EFCAB8: variants seen among roughly 807,000 people sequenced by gnomAD.
EFCAB8 encodes EF-hand calcium binding domain 8.
In EFCAB8, 100 loss-of-function variants were observed where a neutral mutation model predicts 116.3. That is an observed-to-expected ratio of 0.86 (90% CI 0.73 to 1.02). The LOEUF (loss-of-function observed/expected upper bound fraction) is 1.02. Among genes scored for constraint, EFCAB8 ranks in the 50% least tolerant of loss-of-function variants. The pLI, the probability that EFCAB8 is intolerant of heterozygous loss-of-function variation, is 0.00. For missense variants in EFCAB8, 1,320 were observed against 1,416.9 expected, an observed-to-expected ratio of 0.93 and a Z score of 1.10; for synonymous variants, 558 against 567.9, an observed-to-expected ratio of 0.98 and a Z score of 0.25.
chr20:32,876,171 C>G (rs1314845885), intron 4 of EFCAB8, 127 bp downstream of exon 4: 1 of 815,952 alleles, frequency 1.2e-6, no homozygotes, highest in African/African-American at 1.7e-5. Flanking sequence ...GGATTCTGGC[C>G]CCAGTCGGGG....
Position 32,961,268 on chromosome 20 carries a change from G to T in EFCAB8, c.3526G>T (p.Asp1176Tyr), listed in dbSNP as rs1989142358. 19 of 1,550,860 alleles carry T rather than the reference G, an allele frequency of 1.2e-5. No individual in the cohort carries two copies. In the South Asian group the frequency reaches 2.3e-4, roughly 18 times the overall value. Residue 1176 changes from aspartate to tyrosine, a missense_variant, in exon 27 of 27, where the codon GAC becomes TAC. Asp to Tyr is a radical substitution (Grantham distance 160). Coordinates refer to ENST00000400522, the MANE Select transcript of EFCAB8 (RefSeq NM_001143967.2). ...CCTGGTGGCCCACCATGTCCAGAAG[G>T]ACCTGGTGCCCAGCAGGGAGCAGGC... ...IRLVAHHVQK[D>Y]LVPSREQAVL...
At chr20:32,928,402 A>C (rs866280728) in intron 20 of EFCAB8, among the ~76,000 whole-genome samples, 6 of 151,858 alleles carry the variant, frequency 4.0e-5, no homozygotes, top group African/African-American at 1.5e-4. Context: ...CACCTGGCTA[A>C]TATTTGTATT....
chr20:32,901,926 T>C (rs1986448256), intron 11 of EFCAB8, among the ~76,000 whole-genome samples: 1 of 152,212 alleles, frequency 6.6e-6, no homozygotes, highest in South Asian at 2.1e-4. Flanking sequence ...GACCTCATGA[T>C]TCGCCCGCCT....
intron 23 of EFCAB8, among the ~76,000 whole-genome samples, chr20:32,954,758 A>T (rs942600499): frequency 5.9e-5 from 9 of 152,164 alleles, no homozygotes; most frequent in Non-Finnish European, 1.2e-4. Context: ...ATAGGTGTTG[A>T]ATTCTGTCAA....
chr20:32,861,928 T>G (rs1984135730), intron 1 of EFCAB8, among the ~76,000 whole-genome samples: 1 of 151,994 alleles, frequency 6.6e-6, no homozygotes, highest in Admixed American at 6.6e-5. Flanking sequence ...ACTTAACATT[T>G]TACATACACT....
chr20:32,960,059 G>C lies in EFCAB8; in HGVS notation c.3295-4G>C. 6.4e-7 allele frequency: 1 copy of C among 1,551,730 alleles called. No homozygotes were observed. Among genetic ancestry groups the C allele is most frequent in the Non-Finnish European group, 8.7e-7 (1 of 1,146,998 alleles). ...GCCTTCATTCTTGGGCGTGGCTCCT[G>C]CAGGTGAGCAAAGTCTTGGGAGCGG... On this transcript the variant is annotated splice_polypyrimidine_tract_variant and splice_region_variant and intron_variant, in intron 25 of 26. Transcript: ENST00000400522.
At chr20:32,921,592 T>C (rs1987458838) in intron 20 of EFCAB8, among the ~76,000 whole-genome samples, 2 of 152,010 alleles carry the variant, frequency 1.3e-5, no homozygotes, top group African/African-American at 4.8e-5. Context: ...AAAGGAAGTG[T>C]ATGTAAATGA....
intron 1 of EFCAB8, among the ~76,000 whole-genome samples, chr20:32,862,125 A>G (rs1169104458): frequency 2.8e-5 from 4 of 142,354 alleles, no homozygotes; most frequent in Non-Finnish European, 3.1e-5. Flanking sequence ...TGTTTTTATT[A>G]TTTCTTTTCT....
At chr20:32,908,143 G>A in intron 13 of EFCAB8, 132 bp from the exon 14 acceptor site, 2 of 795,522 alleles carry the variant, frequency 2.5e-6, no homozygotes, top group Non-Finnish European at 3.4e-6. Context: ...CCAACACCAT[G>A]TGTGTGTGTT....
intron 5 of EFCAB8, among the ~76,000 whole-genome samples, chr20:32,883,844 CCA>C (rs1463074168): frequency 1.3e-5 from 2 of 152,124 alleles, no homozygotes; most frequent in African/African-American, 2.4e-5. Flanking sequence ...GCGTGTGCTA[CCA>C]CACCTGGCTA....
chr20:32,908,318 C>T lies in EFCAB8; in HGVS notation c.1352C>T (p.Ser451Phe), dbSNP rs777772496. 7.5e-5 allele frequency: 94 copies of T among 1,249,844 alleles called. No homozygotes were observed. Among genetic ancestry groups the T allele is most frequent in the Non-Finnish European group, 9.2e-5 (91 of 988,282 alleles). The allele number at this position is 1,249,844 out of a possible 1,614,324, so 77.4% of individuals were successfully genotyped here. ...ATGCTGGACTACATATGCCTCCAGTCCTTCTGTGGGAAGTTTTTTGCTCTG... is the reference window on the plus strand; with the variant it reads ...ATGCTGGACTACATATGCCTCCAGTTCTTCTGTGGGAAGTTTTTTGCTCTG... ...WDMLDYICLQ[S>F]FCGKFFALGN... Residue 451 changes from serine to phenylalanine, a missense_variant, in exon 14 of 27, where the codon TCC (serine) becomes TTC (phenylalanine). By Grantham distance (155) the Ser-to-Phe change is radical. Transcript: ENST00000400522.
intron 13 of EFCAB8, among the ~76,000 whole-genome samples, chr20:32,908,062 G>A (rs980195242): frequency 6.6e-5 from 10 of 152,198 alleles, no homozygotes; most frequent in Non-Finnish European, 1.2e-4. Context: ...AGCTGTGCCC[G>A]GCCCTCACTC....
chr20:32,873,408 TA>T lies in EFCAB8; in HGVS notation c.209-2509del, dbSNP rs971695247. ...AGCACTTTTTAAAGATTGTGATTATTAAAAAAAAAGTTGTAGACAGGGGTTA... is the reference window on the plus strand; with the variant it reads ...AGCACTTTTTAAAGATTGTGATTATTAAAAAAAAGTTGTAGACAGGGGTTA... On this transcript the variant is annotated intron_variant, in intron 3 of 26. Transcript: ENST00000400522. Among the ~76,000 whole-genome samples the T allele has an allele frequency of 7.3e-5, 11 of 151,010 alleles. No individual in the cohort carries two copies. The South Asian group carries it at 8.4e-4, about 11-fold the overall frequency.
At chr20:32,875,901 G>T in intron 3 of EFCAB8, 25 bp from the exon 4 acceptor site, 3 of 1,546,156 alleles carry the variant, frequency 1.9e-6, no homozygotes, top group Non-Finnish European at 2.6e-6. Flanking sequence ...GGAAGGGGAT[G>T]ATGCTCTCTG....
At position 32,892,235 on chromosome 20, in the gene EFCAB8, C is replaced by A. The variant is rs1245676215; in HGVS notation, c.696C>A (p.His232Gln). 6.4e-7 allele frequency: 1 copy of A among 1,551,674 alleles called. No homozygotes were observed. The highest frequency in any genetic ancestry group is 2.0e-5 in the Admixed American group (1 of 51,000). The part of the protein sequence containing the change: ...QKIDFFDISD[H>Q]KCVRAFTFVD... Reference sequence around the variant, plus strand: ...CAGATTTCTTTGATATTAGTGACCACAAATGTGTCCGGGCCTTCACCTTTG... The same window carrying A: ...CAGATTTCTTTGATATTAGTGACCAAAAATGTGTCCGGGCCTTCACCTTTG... The change falls in exon 8 of 27, where the codon CAC becomes CAA. Residue 232 changes from histidine (H) to glutamine (Q), a missense_variant. By Grantham distance (24) the His-to-Gln change is conservative. Coordinates refer to ENST00000400522, the MANE Select transcript of EFCAB8 (RefSeq NM_001143967.2).
chr20:32,884,561 T>C (rs1985509655), intron 5 of EFCAB8, among the ~76,000 whole-genome samples: 1 of 152,116 alleles, frequency 6.6e-6, no homozygotes, highest in Non-Finnish European at 1.5e-5. Context: ...TCTGCAGAGA[T>C]GGTAATGGCA....
chr20:32,915,307 T>C (rs11904943), intron 17 of EFCAB8, among the ~76,000 whole-genome samples: 5,922 of 152,322 alleles, frequency 0.039, 429 homozygotes, highest in African/African-American at 0.13. Context: ...ATATGTTACA[T>C]AGAAATTTGC....
intron 7 of EFCAB8, among the ~76,000 whole-genome samples, chr20:32,889,685 A>G (rs562592221): frequency 6.6e-6 from 1 of 152,246 alleles, no homozygotes; most frequent in African/African-American, 2.4e-5. Context: ...CTCCTAGTCC[A>G]GGCCCCCTTC....
At chr20:32,890,048 T>A (rs1284535781) in intron 7 of EFCAB8, among the ~76,000 whole-genome samples, 2 of 150,562 alleles carry the variant, frequency 1.3e-5, no homozygotes, top group Admixed American at 1.3e-4. Flanking sequence ...GCTTCCCTGA[T>A]GCCCCCAAAG....
Sources: gnomAD v4.1 joint callset for allele counts (sites outside exome capture counted in the v4.1 genomes callset) on GRCh38, gnomAD v4.1.1 for gene constraint, MANE v1.5 for transcripts, NCBI Gene and HGNC (gene_info 2026-07-23, HGNC 2026-07-21) for gene names.